COL9A1: variants seen among roughly 807,000 people sequenced by gnomAD.
COL9A1 encodes collagen type IX alpha 1 chain.
A neutral mutation model predicts 142.6 loss-of-function variants in COL9A1; 104 were observed. The observed-to-expected ratio is 0.73, with a 90% confidence interval of 0.62 to 0.86. COL9A1 has a LOEUF of 0.86. Among genes scored for constraint, COL9A1 ranks in the 40% least tolerant of loss-of-function variants. The pLI is 0.00. For missense variants in COL9A1, 1,210 were observed against 1,176.6 expected (o/e 1.03, Z -0.42); for synonymous variants, 466 against 396.0 (o/e 1.18, Z -2.10).
At chr6:70,299,958 A>G (rs1265586759) in intron 4 of COL9A1, 85 bp downstream of exon 4, 3 of 1,301,324 alleles carry the variant, frequency 2.3e-6, no homozygotes, top group Non-Finnish European at 3.3e-6. Flanking sequence ...AACATTGATC[A>G]TAAGAAAACT....
At chr6:70,284,913 A>G (rs1773389596) in intron 5 of COL9A1, among the ~76,000 whole-genome samples, 1 of 152,170 alleles carries the variant, frequency 6.6e-6, no homozygotes, top group Admixed American at 6.5e-5. Flanking sequence ...AAATTACATA[A>G]TTTTTTTCAC....
rs191406921 is a variant in COL9A1 at position 70,216,532 on chromosome 6, C to T, written c.*365G>A. On this transcript the variant is annotated 3_prime_UTR_variant, in exon 38 of 38. Transcript: ENST00000357250. ...AAATAACTACTGCAACTGAGGTAAACCAAACAGTTGTTTTTGTTTATTGGC... is the reference window on the plus strand; with the variant it reads ...AAATAACTACTGCAACTGAGGTAAATCAAACAGTTGTTTTTGTTTATTGGC... 3 of 240,582 alleles carry T rather than the reference C, an allele frequency of 1.2e-5. No individual in the cohort carries two copies. Among genetic ancestry groups the T allele is most frequent in the African/African-American group, 2.3e-5 (1 of 44,198 alleles). 14.9% of individuals were successfully genotyped at this position (240,582 alleles called of 1,614,324 possible).
At chr6:70,270,432 G>A (rs1772322467) in intron 14 of COL9A1, 65 bp from the exon 15 acceptor site, 2 of 1,476,820 alleles carry the variant, frequency 1.4e-6, no homozygotes, top group East Asian at 4.5e-5. Flanking sequence ...CATAAAACCA[G>A]TGAGGCATAA....
intron 28 of COL9A1, among the ~76,000 whole-genome samples, chr6:70,243,451 G>A (rs1304389079): frequency 6.6e-6 from 1 of 152,124 alleles, no homozygotes; most frequent in East Asian, 1.9e-4. Context: ...TTGAGAAAAA[G>A]AAACACATGA....
chr6:70,231,831 C>G (rs1407958272), intron 36 of COL9A1, among the ~76,000 whole-genome samples: 2 of 152,100 alleles, frequency 1.3e-5, no homozygotes, highest in African/African-American at 4.8e-5. Context: ...TTAGTCCTCT[C>G]TGTAAATTAT....
At position 70,227,424 on chromosome 6, in the gene COL9A1, T is replaced by TAAAAAAAAAAAAAAAAAAAAAAAAA. The variant is rs11407353; in HGVS notation, c.2504-1416_2504-1415insTTTTTTTTTTTTTTTTTTTTTTTTT. Among the ~76,000 whole-genome samples, 8 of 50,032 alleles carry TAAAAAAAAAAAAAAAAAAAAAAAAA rather than the reference T, an allele frequency of 1.6e-4. 2 individuals carry two copies. Among genetic ancestry groups the TAAAAAAAAAAAAAAAAAAAAAAAAA allele is most frequent in the Admixed American group, 6.9e-4 (3 of 4,336 alleles). 32.8% of individuals were successfully genotyped at this position (50,032 alleles called of 152,430 possible). On this transcript the variant is annotated intron_variant, in intron 36 of 37. Transcript: ENST00000357250. Reference sequence around the variant, plus strand: ...CTCATAACAAAATAAATGCAAATTGTAAAAAAAAAAAAAAAAAAAAAAAAG... The same window carrying TAAAAAAAAAAAAAAAAAAAAAAAAA: ...CTCATAACAAAATAAATGCAAATTGTAAAAAAAAAAAAAAAAAAAAAAAAAAAAAAAAAAAAAAAAAAAAAAAAAG...
At chr6:70,254,621 G>A (rs1210143804) in intron 24 of COL9A1, 92 bp from the exon 25 acceptor site, 2 of 1,234,390 alleles carry the variant, frequency 1.6e-6, no homozygotes, top group Non-Finnish European at 2.4e-6. Context: ...TTAAGTAAAA[G>A]GATTGTCCCA....
chr6:70,225,999 T>G lies in COL9A1; in HGVS notation c.2514A>C (p.Gly838=). 1 of 1,613,390 alleles carries G rather than the reference T, an allele frequency of 6.2e-7. No individual in the cohort carries two copies. Among genetic ancestry groups the G allele is most frequent in the Non-Finnish European group, 8.5e-7 (1 of 1,179,634 alleles). Residue 838 remains glycine, a synonymous_variant, in exon 37 of 38, where the codon GGA becomes GGC. Transcript: ENST00000357250. The part of the protein sequence containing the change: ...LGLRGPKGDL[G]EKGERGPPGR... ...CTGGAGGGCCACGCTCCCCCTTTTCTCCCAAGTCACCTGCATTACATTAAA... is the reference window on the plus strand; with the variant it reads ...CTGGAGGGCCACGCTCCCCCTTTTCGCCCAAGTCACCTGCATTACATTAAA...
At chr6:70,287,141 T>A (rs1424618331) in intron 5 of COL9A1, among the ~76,000 whole-genome samples, 1 of 152,132 alleles carries the variant, frequency 6.6e-6, no homozygotes, top group Non-Finnish European at 1.5e-5. Flanking sequence ...GCCCCACTTC[T>A]GTTATTATAA....
At chr6:70,257,052 T>A (rs1413551139) in intron 20 of COL9A1, among the ~76,000 whole-genome samples, 12 of 63,464 alleles carry the variant, frequency 1.9e-4, no homozygotes, top group African/African-American at 5.2e-4. Flanking sequence ...TCTGTAATTT[T>A]TTTTTTTTTT....
chr6:70,303,003 C>G lies in COL9A1; in HGVS notation c.-79G>C. On this transcript the variant is annotated 5_prime_UTR_variant, in exon 1 of 38. Transcript: ENST00000357250. ...AAGGGAGTCACTGTCCCCTCACGACCCCTTCACTGTTACCCTAGGACTATG... is the reference window on the plus strand; with the variant it reads ...AAGGGAGTCACTGTCCCCTCACGACGCCTTCACTGTTACCCTAGGACTATG... 2 of 1,431,826 alleles carry G rather than the reference C, an allele frequency of 1.4e-6. No individual in the cohort carries two copies. Among genetic ancestry groups the G allele is most frequent in the East Asian group, 4.5e-5 (2 of 44,006 alleles). 88.7% of individuals were successfully genotyped at this position (1,431,826 alleles called of 1,614,324 possible).
chr6:70,292,952 G>C (rs1417775352), intron 5 of COL9A1, among the ~76,000 whole-genome samples: 3 of 152,094 alleles, frequency 2.0e-5, no homozygotes, highest in African/African-American at 4.8e-5. Flanking sequence ...GCAGTAACAC[G>C]GCAGTTACAA....
chr6:70,245,273 T>A (rs1367808195), intron 28 of COL9A1, among the ~76,000 whole-genome samples: 1 of 152,184 alleles, frequency 6.6e-6, no homozygotes, highest in African/African-American at 2.4e-5. Flanking sequence ...AAGATGAACA[T>A]AAATAATCAA....
intron 14 of COL9A1, 57 bp downstream of exon 14, chr6:70,271,598 A>C: frequency 6.5e-7 from 1 of 1,540,376 alleles, no homozygotes; most frequent in Non-Finnish European, 9.0e-7. Flanking sequence ...TTGCTTTCCC[A>C]AATAACATCT....
rs751855141 is a variant in COL9A1, at chr6:70,216,468, TATA to T, written c.*426_*428del. 6.0e-5 allele frequency: 13 copies of T among 218,282 alleles called. No homozygotes were observed. The highest frequency in any genetic ancestry group is 1.0e-4 in the Non-Finnish European group (11 of 107,074). 13.5% of individuals were successfully genotyped at this position (218,282 alleles called of 1,614,324 possible). ...TCATAACTAGTCTAGTAATCCTCTATATAACTGAAACAATAATCTGAGAACAAC... is the reference window on the plus strand; with the variant it reads ...TCATAACTAGTCTAGTAATCCTCTATACTGAAACAATAATCTGAGAACAAC... On this transcript the variant is annotated 3_prime_UTR_variant, in exon 38 of 38. Coordinates refer to ENST00000357250, the MANE Select transcript of COL9A1 (RefSeq NM_001851.6).
At chr6:70,300,720 G>A (rs1265079476) in intron 2 of COL9A1, among the ~76,000 whole-genome samples, 1 of 152,178 alleles carries the variant, frequency 6.6e-6, no homozygotes, top group Non-Finnish European at 1.5e-5. Context: ...AAGAGGTTAG[G>A]CATTTGTTCC....
chr6:70,253,324 T>C (rs1189817902), intron 26 of COL9A1, 61 bp downstream of exon 26: 1 of 1,105,524 alleles, frequency 9.0e-7, no homozygotes. Flanking sequence ...AAATTACAAA[T>C]ACGTTAGTAA....
intron 15 of COL9A1, among the ~76,000 whole-genome samples, chr6:70,270,007 A>C (rs981530861): frequency 6.6e-6 from 1 of 152,228 alleles, no homozygotes; most frequent in Non-Finnish European, 1.5e-5. Context: ...CTTTGTAAAA[A>C]CTAGTTCATT....
chr6:70,216,651 T>G lies in COL9A1; in HGVS notation c.*246A>C. The G allele has an allele frequency of 7.7e-6, 4 of 517,184 alleles. No homozygotes were observed. Among genetic ancestry groups the G allele is most frequent in the East Asian group, 3.4e-5 (1 of 29,838 alleles). 32.0% of individuals were successfully genotyped at this position (517,184 alleles called of 1,614,324 possible). ...AATTTATTCAAGGGAGGTGTTTGGT[T>G]TTCTTTTTTTTTTTTTAACTGATGA... On this transcript the variant is annotated 3_prime_UTR_variant, in exon 38 of 38. Transcript: ENST00000357250.
Sources: allele counts gnomAD v4.1 joint callset (sites outside exome capture counted in the v4.1 genomes callset), GRCh38; gene constraint gnomAD v4.1.1; transcripts MANE v1.5; gene names NCBI Gene and HGNC (gene_info 2026-07-23, HGNC 2026-07-21).